Variants in NTN1 observed in about 807,000 individuals in gnomAD.
The protein encoded by NTN1 is netrin-1.
NTN1 carries 11 observed loss-of-function variants against 54.2 expected under a neutral mutation model. The ratio of observed to expected loss-of-function variants is 0.20; its 90% CI spans 0.13 to 0.34. The LOEUF (loss-of-function observed/expected upper bound fraction) is 0.34, where lower values mean the gene tolerates loss of function less well. Ranked by LOEUF, NTN1 falls within the 10% of genes least tolerant of loss-of-function variation. The pLI, the probability that NTN1 is intolerant of heterozygous loss-of-function variation, is 1.00. For synonymous variants in NTN1, 371 were observed against 382.0 expected (o/e 0.97, Z 0.33); for missense variants, 740 against 893.1 (o/e 0.83, Z 2.18).
intron 2 of NTN1, among the ~76,000 whole-genome samples, chr17:9,088,490 C>CT (rs1435563480): frequency 2.0e-5 from 3 of 152,082 alleles, no homozygotes; most frequent in African/African-American, 7.2e-5. Flanking sequence ...GCAAGCCGCT[C>CT]TATGTTCTCT....
chr17:9,077,945 C>T (rs2092056943), intron 2 of NTN1, among the ~76,000 whole-genome samples: 1 of 152,166 alleles, frequency 6.6e-6, no homozygotes, highest in African/African-American at 2.4e-5. Context: ...AGATGTTTGC[C>T]TTAACAGGTT....
At chr17:9,146,773 G>A (rs919517180) in intron 2 of NTN1, among the ~76,000 whole-genome samples, 3 of 152,282 alleles carry the variant, frequency 2.0e-5, no homozygotes, top group Admixed American at 6.5e-5. Context: ...CTAACTCGCC[G>A]CAGGACTCTC....
chr17:9,057,810 A>G (rs1216517948), intron 2 of NTN1, among the ~76,000 whole-genome samples: 2 of 152,216 alleles, frequency 1.3e-5, no homozygotes, highest in African/African-American at 4.8e-5. Flanking sequence ...TACAGGTCCA[A>G]TATTATAGAC....
At position 9,239,792 on chromosome 17, in the gene NTN1, C is replaced by T. The variant is rs751928074; in HGVS notation, c.1639C>T (p.Pro547Ser). 1.9e-6 allele frequency: 3 copies of T among 1,613,770 alleles called. No individual in the cohort carries two copies. The highest frequency in any genetic ancestry group is 1.7e-6 in the Non-Finnish European group (2 of 1,180,016). ...IRSRDIACKC[P>S]KIKPLKKYLL... Reference sequence around the variant, plus strand: ...CTCGCGGGACATCGCCTGCAAGTGTCCCAAAATCAAGCCCCTCAAGAAGTA... The same window carrying T: ...CTCGCGGGACATCGCCTGCAAGTGTTCCAAAATCAAGCCCCTCAAGAAGTA... The change falls in exon 7 of 7, where the codon CCC becomes TCC. Residue 547 changes from proline (P) to serine (S), a missense_variant. Physicochemically the swap from Pro to Ser is moderately conservative, Grantham distance 74. Transcript: ENST00000173229. The surrounding 1 kb of genome is among the most constrained non-coding windows in gnomAD (Gnocchi z 5.2).
intron 2 of NTN1, among the ~76,000 whole-genome samples, chr17:9,162,567 C>T (rs1033916311): frequency 6.6e-6 from 1 of 152,222 alleles, no homozygotes; most frequent in African/African-American, 2.4e-5. Flanking sequence ...TTCTGAGGTA[C>T]TGGGGGTCAC....
At chr17:9,222,082 C>T (rs1004221664) in intron 6 of NTN1, among the ~76,000 whole-genome samples, 1 of 152,216 alleles carries the variant, frequency 6.6e-6, no homozygotes, top group Non-Finnish European at 1.5e-5. Context: ...CCACCATAGG[C>T]CGGGAAGGAG....
intron 2 of NTN1, among the ~76,000 whole-genome samples, chr17:9,037,215 G>C (rs2091906249): frequency 6.6e-6 from 1 of 152,134 alleles, no homozygotes; most frequent in Admixed American, 6.5e-5. Context: ...CATACTGTAT[G>C]TTCTCTTCAA....
At chr17:9,046,786 CA>C (rs200023605) in intron 2 of NTN1, among the ~76,000 whole-genome samples, 1,529 of 151,644 alleles carry the variant, frequency 0.01, 26 homozygotes, top group African/African-American at 0.033. Flanking sequence ...ACCCTGTCTC[CA>C]AAAAAATAAA....
chr17:9,104,072 G>C (rs2092158328), intron 2 of NTN1, among the ~76,000 whole-genome samples: 2 of 121,294 alleles, frequency 1.6e-5, no homozygotes, highest in Non-Finnish European at 1.6e-5. Flanking sequence ...CTGGGCAACA[G>C]AGAGAGACTC....
intron 2 of NTN1, among the ~76,000 whole-genome samples, chr17:9,136,070 C>T (rs2092280109): frequency 6.6e-6 from 1 of 152,236 alleles, no homozygotes; most frequent in Non-Finnish European, 1.5e-5. Flanking sequence ...TTTCTGGAAT[C>T]TTCCTAGAGT....
chr17:9,152,127 A>G (rs1597507452), intron 2 of NTN1, among the ~76,000 whole-genome samples: 1 of 152,134 alleles, frequency 6.6e-6, no homozygotes, highest in African/African-American at 2.4e-5. Flanking sequence ...GCGCTTCACA[A>G]TAAATCTTGC....
intron 5 of NTN1, among the ~76,000 whole-genome samples, chr17:9,220,623 T>A (rs1046645592): frequency 4.6e-5 from 7 of 152,098 alleles, no homozygotes; most frequent in African/African-American, 1.7e-4. Flanking sequence ...ACTGAACTCG[T>A]CTTCGTGGGG....
rs555514507 is a variant in NTN1, at chr17:9,165,229, A to T, written c.1207+2228A>T. ...AATGTATGTTTCCCAGAGAGGCAAGAAGGGGCAGGGCCCTGGTCACCTCCA... is the reference window on the plus strand; with the variant it reads ...AATGTATGTTTCCCAGAGAGGCAAGTAGGGGCAGGGCCCTGGTCACCTCCA... On this transcript the variant is annotated intron_variant, in intron 3 of 6. Transcript: ENST00000173229. The surrounding 1 kb of genome is among the most constrained non-coding windows in gnomAD (Gnocchi z 4.5). Among the ~76,000 whole-genome samples the T allele has an allele frequency of 1.9e-4, 29 of 150,636 alleles. No homozygotes were observed. Among genetic ancestry groups the T allele is most frequent in the African/African-American group, 6.8e-4 (28 of 40,960 alleles).
At chr17:9,134,428 G>C (rs1473077286) in intron 2 of NTN1, among the ~76,000 whole-genome samples, 1 of 152,110 alleles carries the variant, frequency 6.6e-6, no homozygotes, top group East Asian at 1.9e-4. Context: ...GCCTCTCTCT[G>C]GACCTCACTG....
At chr17:9,007,451 CCCTT>C in the NTN1 span, among the ~76,000 whole-genome samples, 1 of 146,116 alleles carries the variant, frequency 6.8e-6, no homozygotes, top group Non-Finnish European at 1.5e-5. Context: ...TTCCTTTCTT[CCCTT>C]CCTTCCTTCT....
At chr17:9,213,313 A>G (rs895235392) in intron 5 of NTN1, among the ~76,000 whole-genome samples, 1 of 152,158 alleles carries the variant, frequency 6.6e-6, no homozygotes, top group African/African-American at 2.4e-5. Context: ...GTAGAGTGAG[A>G]TAGAAGGGCA....
the NTN1 span, among the ~76,000 whole-genome samples, chr17:9,010,620 G>T: frequency 6.6e-6 from 1 of 152,202 alleles, no homozygotes; most frequent in Non-Finnish European, 1.5e-5. Context: ...GATTTGCTGG[G>T]ATATTAGTTT....
At chr17:9,089,750 C>T (rs1353862472) in intron 2 of NTN1, among the ~76,000 whole-genome samples, 1 of 152,202 alleles carries the variant, frequency 6.6e-6, no homozygotes, top group Non-Finnish European at 1.5e-5. Flanking sequence ...GGAGACAAAG[C>T]TTTTCGTTCG....
At chr17:9,182,254 G>GATGACAGATGTGAGCCCCTGCACCTGGCC (rs2092420717) in intron 4 of NTN1, among the ~76,000 whole-genome samples, 1 of 152,174 alleles carries the variant, frequency 6.6e-6, no homozygotes, top group Non-Finnish European at 1.5e-5. Flanking sequence ...AACGTGTTGG[G>GATGACAGATGTGAGCCCCTGCACCTGGCC]ATGACAGATG....
Sources: gnomAD v4.1 joint callset for allele counts (sites outside exome capture counted in the v4.1 genomes callset) on GRCh38, gnomAD v4.1.1 for gene constraint, Gnocchi (gnomAD v3.1) non-coding constraint, MANE v1.5 for transcripts, NCBI Gene and HGNC (gene_info 2026-07-23, HGNC 2026-07-21) for gene names.